SPAG16: variants seen among roughly 807,000 people sequenced by gnomAD.
The protein encoded by SPAG16 is sperm-associated antigen 16 protein.
In SPAG16, 86 loss-of-function variants were observed where a neutral mutation model predicts 80.4. The ratio of observed to expected loss-of-function variants is 1.07; its 90% CI spans 0.90 to 1.28. The LOEUF is 1.28. Among genes scored for constraint, SPAG16 ranks in the 50% most tolerant of loss-of-function variants. The pLI, the probability that SPAG16 is intolerant of heterozygous loss-of-function variation, is 0.00. For synonymous variants in SPAG16, 294 were observed against 265.9 expected (o/e 1.11, Z -1.03); for missense variants, 870 against 765.3 (o/e 1.14, Z -1.61).
In SPAG16 at chr2:213,702,402, T is replaced by C. The variant is rs367731893; in HGVS notation, c.1071-160083T>C. 1.6e-4 allele frequency among the ~76,000 whole-genome samples: 24 copies of C among 152,338 alleles called. 1 individual carries two copies. Among genetic ancestry groups the C allele is most frequent in the Middle Eastern group, 6.8e-3 (2 of 294 alleles). ...TGCTGCTGTTTGGGTCCATGCAGCA[T>C]TTATGAGCTGTAACACTCACCGCGA... On this transcript the variant is annotated intron_variant, in intron 10 of 15. Transcript: ENST00000331683.
Position 213,831,356 on chromosome 2 carries a change from T to G in SPAG16, c.1071-31129T>G, listed in dbSNP as rs116535664. Reference sequence around the variant, plus strand: ...CCCGGCTGAACCATGACTTTTTATCTTTGATTGCAGCTGATATTTCTCCCT... The same window carrying G: ...CCCGGCTGAACCATGACTTTTTATCGTTGATTGCAGCTGATATTTCTCCCT... On this transcript the variant is annotated intron_variant, in intron 10 of 15. Transcript: ENST00000331683. 8.9e-3 allele frequency among the ~76,000 whole-genome samples: 1,350 copies of G among 151,724 alleles called. 24 individuals carry two copies. The highest frequency in any genetic ancestry group is 0.03 in the African/African-American group (1,228 of 41,414).
intron 10 of SPAG16, among the ~76,000 whole-genome samples, chr2:213,497,872 C>T (rs537621516): frequency 6.6e-6 from 1 of 151,992 alleles, no homozygotes; most frequent in African/African-American, 2.4e-5. Flanking sequence ...CATGGACTGA[C>T]AATACATTAA....
At chr2:214,354,718 C>A (rs1229895816) in intron 15 of SPAG16, among the ~76,000 whole-genome samples, 1 of 151,574 alleles carries the variant, frequency 6.6e-6, no homozygotes, top group Admixed American at 6.6e-5. Context: ...CCTTCACATC[C>A]CTTGTAAGTT....
intron 10 of SPAG16, among the ~76,000 whole-genome samples, chr2:213,687,777 A>G (rs2064755580): frequency 6.6e-6 from 1 of 152,152 alleles, no homozygotes; most frequent in Non-Finnish European, 1.5e-5. Flanking sequence ...GATTCTCGGA[A>G]CTGAGAGTAT....
chr2:214,224,576 A>C (rs1452717352), intron 15 of SPAG16, among the ~76,000 whole-genome samples: 3 of 152,196 alleles, frequency 2.0e-5, no homozygotes, highest in Non-Finnish European at 4.4e-5. Flanking sequence ...AAGGAGTTGC[A>C]GACTAAGGGA....
intron 15 of SPAG16, among the ~76,000 whole-genome samples, chr2:214,378,700 G>A (rs1166674342): frequency 2.0e-5 from 3 of 152,158 alleles, no homozygotes; most frequent in Non-Finnish European, 4.4e-5. Context: ...AAGGAGAGAG[G>A]GGGTATATGC....
chr2:213,393,365 CAT>C (rs1277537704), intron 9 of SPAG16, among the ~76,000 whole-genome samples: 2 of 151,066 alleles, frequency 1.3e-5, no homozygotes, highest in Non-Finnish European at 3.0e-5. Context: ...AAATATATCA[CAT>C]ATATTTGAAT....
At chr2:213,748,474 A>C (rs2067934833) in intron 10 of SPAG16, among the ~76,000 whole-genome samples, 1 of 152,078 alleles carries the variant, frequency 6.6e-6, no homozygotes, top group Admixed American at 6.5e-5. Context: ...AAAAAAAATG[A>C]AGAAATAATT....
intron 1 of SPAG16, among the ~76,000 whole-genome samples, chr2:213,288,955 A>G (rs951121667): frequency 2.0e-5 from 3 of 152,220 alleles, no homozygotes; most frequent in African/African-American, 7.2e-5. Flanking sequence ...ACTAAGAACT[A>G]TGTTACTAAA....
At chr2:214,348,804 A>G (rs1698219146) in intron 15 of SPAG16, among the ~76,000 whole-genome samples, 1 of 152,328 alleles carries the variant, frequency 6.6e-6, no homozygotes, top group Non-Finnish European at 1.5e-5. Context: ...ATTGCTGACC[A>G]ACAATATCAT....
rs548357920 is a variant in SPAG16, at chr2:214,030,968, T to C, written c.1527+16891T>C. Among the ~76,000 whole-genome samples, 4 of 152,304 alleles carry C rather than the reference T, an allele frequency of 2.6e-5. No homozygotes were observed. In the East Asian group the frequency reaches 5.8e-4, roughly 22 times the overall value. ...TCAGTAGGACAGTTGTGAAGCATGT[T>C]TTATATGATTCTTCAGGGAGTCTTT... On this transcript the variant is annotated intron_variant, in intron 13 of 15. Transcript: ENST00000331683.
chr2:214,050,434 G>A (rs778543051), intron 13 of SPAG16, among the ~76,000 whole-genome samples: 1 of 152,042 alleles, frequency 6.6e-6, no homozygotes, highest in Non-Finnish European at 1.5e-5. Flanking sequence ...ATCAATATCT[G>A]AGTGGTCTGA....
chr2:213,622,446 T>C (rs1037729753), intron 10 of SPAG16, among the ~76,000 whole-genome samples: 1 of 152,186 alleles, frequency 6.6e-6, no homozygotes, highest in African/African-American at 2.4e-5. Context: ...ACTCCTAGTT[T>C]TAGTGTGTCA....
intron 15 of SPAG16, among the ~76,000 whole-genome samples, chr2:214,180,414 C>T (rs1029116540): frequency 6.6e-6 from 1 of 151,586 alleles, no homozygotes; most frequent in Non-Finnish European, 1.5e-5. Context: ...GACAGTTGAT[C>T]ATCAAAATAA....
chr2:213,726,059 T>C (rs1048746268), intron 10 of SPAG16, among the ~76,000 whole-genome samples: 1 of 152,238 alleles, frequency 6.6e-6, no homozygotes, highest in East Asian at 1.9e-4. Context: ...CTACAGTGCA[T>C]GCCAGCCTAA....
At chr2:214,027,820 C>A (rs1336412075) in intron 13 of SPAG16, among the ~76,000 whole-genome samples, 2 of 151,790 alleles carry the variant, frequency 1.3e-5, no homozygotes, top group Non-Finnish European at 2.9e-5. Context: ...CAGTCTTTTT[C>A]AAATTAGTAT....
chr2:213,941,327 A>G (rs183404247), intron 12 of SPAG16, among the ~76,000 whole-genome samples: 114 of 152,182 alleles, frequency 7.5e-4, no homozygotes, highest in African/African-American at 2.6e-3. Context: ...CTTCTTTTTA[A>G]TCCTTCTCTG....
At chr2:213,833,746 A>G (rs923749241) in intron 10 of SPAG16, among the ~76,000 whole-genome samples, 27 of 146,692 alleles carry the variant, frequency 1.8e-4, no homozygotes, top group African/African-American at 1.8e-4. Flanking sequence ...TCCAACTTAA[A>G]TGCTCTTACT....
At chr2:213,417,194 A>G (rs760791992) in intron 9 of SPAG16, among the ~76,000 whole-genome samples, 14 of 151,844 alleles carry the variant, frequency 9.2e-5, no homozygotes, top group Non-Finnish European at 1.8e-4. Flanking sequence ...CATACTATAT[A>G]GAAAAGTACA....
Sources: gnomAD v4.1 joint callset for allele counts (sites outside exome capture counted in the v4.1 genomes callset) on GRCh38, gnomAD v4.1.1 for gene constraint, MANE v1.5 for transcripts, NCBI Gene and HGNC (gene_info 2026-07-23, HGNC 2026-07-21) for gene names.